The following DUS1L variants were observed in gnomAD, a reference collection of about 807,000 sequenced individuals.
DUS1L encodes tRNA-dihydrouridine(16/17) synthase [NAD(P)(+)]-like.
A neutral mutation model predicts 61.2 loss-of-function variants in DUS1L; 56 were observed. That is an observed-to-expected ratio of 0.92 (90% confidence interval 0.74 to 1.14). The LOEUF is 1.14. Ranked by LOEUF, DUS1L falls within the 50% of genes most tolerant of loss-of-function variation. The pLI is 0.00. For synonymous variants in DUS1L, 278 were observed against 259.5 expected, an observed-to-expected ratio of 1.07 and a Z score of -0.69; for missense variants, 630 against 632.4, an observed-to-expected ratio of 1.00 and a Z score of 0.04.
chr17:82,061,171 G>T (rs1326022532), intron 8 of DUS1L, 38 bp downstream of exon 8: 1 of 1,559,552 alleles, frequency 6.4e-7, no homozygotes, highest in East Asian at 2.3e-5. Flanking sequence ...TGCCTGGGCG[G>T]CCCTCCAACG....
At chr17:82,064,542 G>A (rs926973268) in intron 2 of DUS1L, among the ~76,000 whole-genome samples, 2 of 152,224 alleles carry the variant, frequency 1.3e-5, no homozygotes, top group African/African-American at 4.8e-5. Context: ...GGCCCCAGCA[G>A]GGCTGCAAAC....
At position 82,058,076 on chromosome 17, in the gene DUS1L, G is replaced by C; in HGVS notation, c.*39C>G. Reference sequence around the variant, plus strand: ...CATTTTCTTAAGTAGGACGTGTCCAGGCTCCAGCAGCAGTCCTGGGGGTGG... The same window carrying C: ...CATTTTCTTAAGTAGGACGTGTCCACGCTCCAGCAGCAGTCCTGGGGGTGG... On this transcript the variant is annotated 3_prime_UTR_variant, in exon 14 of 14. Coordinates refer to ENST00000306796, the MANE Select transcript of DUS1L (RefSeq NM_022156.5). The C allele has an allele frequency of 2.7e-6, 4 of 1,495,180 alleles. No homozygotes were observed. The highest frequency in any genetic ancestry group is 3.6e-6 in the Non-Finnish European group (4 of 1,119,800). The allele number at this position is 1,495,180 out of a possible 1,614,324, so 92.6% of individuals were successfully genotyped here.
intron 5 of DUS1L, among the ~76,000 whole-genome samples, chr17:82,062,433 G>A (rs934041730): frequency 6.6e-6 from 1 of 152,218 alleles, no homozygotes; most frequent in Admixed American, 6.5e-5. Context: ...GTGTCTTGAG[G>A]GGCACCCCCG....
chr17:82,060,227 T>C, intron 10 of DUS1L, 134 bp from the exon 11 acceptor site: 1 of 1,218,816 alleles, frequency 8.2e-7, no homozygotes, highest in Non-Finnish European at 1.1e-6. Flanking sequence ...GTGCCCTCCT[T>C]TCCCTCGGGC....
chr17:82,059,269 G>C (rs1178317232), intron 11 of DUS1L: 1 of 156,936 alleles, frequency 6.4e-6, no homozygotes, highest in African/African-American at 2.6e-5. Flanking sequence ...CAGTGGCCTG[G>C]TGGGGGGCAG....
rs116352901 is a variant in DUS1L at position 82,064,101 on chromosome 17, C to A, written c.346+25G>T. On this transcript the variant is annotated intron_variant, in intron 3 of 13. Coordinates refer to ENST00000306796, the MANE Select transcript of DUS1L (RefSeq NM_022156.5). ...CTGGCTCTGGCCCCTGCCCCAGGTGCCCCCATGCTCCACATGGAGCTCACC... is the reference window on the plus strand; with the variant it reads ...CTGGCTCTGGCCCCTGCCCCAGGTGACCCCATGCTCCACATGGAGCTCACC... The A allele has an allele frequency of 2.0e-4, 325 of 1,598,602 alleles. No individual in the cohort carries two copies. In the African/African-American group the frequency reaches 3.5e-3, roughly 17 times the overall value.
chr17:82,058,571 AC>A, intron 12 of DUS1L, 155 bp from the exon 13 acceptor site: 3 of 1,444,118 alleles, frequency 2.1e-6, no homozygotes, highest in South Asian at 1.5e-5. Context: ...CCTCTCCCTC[AC>A]CCCCACCCAC....
Position 82,060,597 on chromosome 17 carries a change from G to A in DUS1L, c.1022+104C>T, listed in dbSNP as rs1257038649. ...CCTTTCCCTTGGGCAGGAGATGACT[G>A]ACCATAATGGCTGAGGACAAGCAGG... On this transcript the variant is annotated intron_variant, in intron 10 of 13. Coordinates refer to ENST00000306796, the MANE Select transcript of DUS1L (RefSeq NM_022156.5). 5 of 1,419,728 alleles carry A rather than the reference G, an allele frequency of 3.5e-6. No individual in the cohort carries two copies. The African/African-American group carries it at 7.0e-5, about 20-fold the overall frequency. The allele number at this position is 1,419,728 out of a possible 1,614,324, so 87.9% of individuals were successfully genotyped here.
intron 11 of DUS1L, 161 bp from the exon 12 acceptor site, chr17:82,058,979 G>A (rs904376656): frequency 3.3e-5 from 22 of 667,976 alleles, no homozygotes; most frequent in East Asian, 3.2e-4. Context: ...GGCTGGCCAC[G>A]TCTGCTTTTC....
At chr17:82,062,097 C>A in intron 5 of DUS1L, 114 bp from the exon 6 acceptor site, 1 of 911,700 alleles carries the variant, frequency 1.1e-6, no homozygotes, top group Non-Finnish European at 1.6e-6. Flanking sequence ...CCCCCTCTGC[C>A]CCTCCCAGCC....
chr17:82,065,305 G>A (rs1479752375), intron 1 of DUS1L: 8 of 487,994 alleles, frequency 1.6e-5, no homozygotes, highest in Non-Finnish European at 2.9e-5. Flanking sequence ...CCTGGGGAGC[G>A]GGACTCGATG....
At chr17:82,058,964 AT>A in intron 11 of DUS1L, 146 bp from the exon 12 acceptor site, 1 of 744,932 alleles carries the variant, frequency 1.3e-6, no homozygotes, top group Non-Finnish European at 2.3e-6. Flanking sequence ...AGGGCAGAGG[AT>A]GCAGGCTGGC....
At position 82,057,900 on chromosome 17, in the gene DUS1L, G is replaced by C; in HGVS notation, c.*215C>G. ...TCTCGCATCTTTGAAATGATTTATT[G>C]TTCACTTTTGCACACGCGTGCTGAG... On this transcript the variant is annotated 3_prime_UTR_variant, in exon 14 of 14. Coordinates refer to ENST00000306796, the MANE Select transcript of DUS1L (RefSeq NM_022156.5). 2.2e-6 allele frequency: 1 copy of C among 447,198 alleles called. No individual in the cohort carries two copies. The highest frequency in any genetic ancestry group is 4.0e-5 in the Admixed American group (1 of 24,756). The allele number at this position is 447,198 out of a possible 1,614,324, so 27.7% of individuals were successfully genotyped here. A position where few individuals can be genotyped will look rare whatever the true frequency, so the allele number is the denominator to read the frequency against.
Position 82,059,960 on chromosome 17 carries a change from G to A in DUS1L, c.1156C>T (p.Pro386Ser), listed in dbSNP as rs530491799. 8.1e-6 allele frequency: 13 copies of A among 1,613,962 alleles called. No individual in the cohort carries two copies. In the African/African-American group the frequency reaches 1.5e-4, roughly 18 times the overall value. The change falls in exon 11 of 14, where the codon CCC (proline) becomes TCC (serine). Residue 386 changes from proline (P) to serine (S), a missense_variant. Transcript: ENST00000306796. ...AAGCAGCACTTACGCTTCAGAGAGGGGTCGAAGGTCTTGTGGGGGTTCCTC... is the reference window on the plus strand; with the variant it reads ...AAGCAGCACTTACGCTTCAGAGAGGAGTCGAAGGTCTTGTGGGGGTTCCTC... ...QLRNPHKTFD[P>S]SLKPKYAKCD... is the part of the protein sequence containing the mutation.
chr17:82,062,489 C>T (rs780053895), intron 5 of DUS1L, among the ~76,000 whole-genome samples: 4 of 152,226 alleles, frequency 2.6e-5, no homozygotes, highest in East Asian at 1.9e-4. Context: ...GCTCAGTGTG[C>T]GGGGAACACG....
chr17:82,061,073 A>G (rs1235404477), intron 8 of DUS1L, 112 bp from the exon 9 acceptor site: 19 of 1,528,642 alleles, frequency 1.2e-5, no homozygotes, highest in African/African-American at 2.7e-5. Flanking sequence ...CTCCACTCCT[A>G]AGTCACCCCA....
intron 11 of DUS1L, 78 bp from the exon 12 acceptor site, chr17:82,058,896 C>A: frequency 7.4e-7 from 1 of 1,343,946 alleles, no homozygotes; most frequent in Non-Finnish European, 1.1e-6. Flanking sequence ...TCCGCCTGCA[C>A]GGAGCCTGCT....
rs1438475114 is a variant in DUS1L, at chr17:82,058,329, A to G, written c.1282+12T>C. 7.9e-6 allele frequency: 12 copies of G among 1,513,652 alleles called. No individual in the cohort carries two copies. The highest frequency in any genetic ancestry group is 9.8e-6 in the Non-Finnish European group (11 of 1,127,178). The allele number at this position is 1,513,652 out of a possible 1,614,324, so 93.8% of individuals were successfully genotyped here. On this transcript the variant is annotated intron_variant, in intron 13 of 13. Coordinates refer to ENST00000306796, the MANE Select transcript of DUS1L (RefSeq NM_022156.5). The stretch of plus-strand genomic sequence containing the variant: ...GTTTGCCTGCTGCGGGGCGGGTGGT[A>G]GGCGCCCTCACCTGGGCAGTCTGCA...
rs751431592 is a variant in DUS1L at position 82,060,761 on chromosome 17, C to G, written c.962G>C (p.Gly321Ala). The G allele has an allele frequency of 1.2e-6, 2 of 1,612,570 alleles. No homozygotes were observed. Among genetic ancestry groups the G allele is most frequent in the African/African-American group, 2.7e-5 (2 of 74,900 alleles). The change falls in exon 10 of 14, where the codon GGA becomes GCA. Residue 321 changes from glycine (G) to alanine (A), a missense_variant. Gly to Ala is a moderately conservative substitution (Grantham distance 60). Coordinates refer to ENST00000306796, the MANE Select transcript of DUS1L (RefSeq NM_022156.5). ...GGGCAAGTCGCCGGTGGGCTTCGCTCCCTCCTGCCTGGATATCTCCTCCTG... is the reference window on the plus strand; with the variant it reads ...GGGCAAGTCGCCGGTGGGCTTCGCTGCCTCCTGCCTGGATATCTCCTCCTG... Reference protein sequence around the residue: ...RCQEEISRQEGAKPTGDLPFH... With the variant: ...RCQEEISRQEAAKPTGDLPFH...
Sources: gnomAD v4.1 joint callset for allele counts (sites outside exome capture counted in the v4.1 genomes callset) on GRCh38, gnomAD v4.1.1 for gene constraint, MANE v1.5 for transcripts, NCBI Gene and HGNC (gene_info 2026-07-23, HGNC 2026-07-21) for gene names.